The following SNTB1 variants were observed in gnomAD, a reference collection of about 807,000 sequenced individuals.
The protein encoded by SNTB1 is syntrophin beta 1.
SNTB1 carries 36 observed loss-of-function variants against 48.9 expected under a neutral mutation model. That is an observed-to-expected ratio of 0.74 (90% CI 0.56 to 0.97). The LOEUF (loss-of-function observed/expected upper bound fraction) is 0.97, where lower values mean the gene tolerates loss of function less well. SNTB1 is among the 50% of genes least tolerant of loss of function. The probability of loss-of-function intolerance (pLI) is 0.00; values close to 1 mark genes in which losing one functional copy is unlikely to be tolerated. For missense variants in SNTB1, 786 were observed against 703.4 expected, an observed-to-expected ratio of 1.12 and a Z score of -1.33; for synonymous variants, 299 against 294.6, an observed-to-expected ratio of 1.01 and a Z score of -0.15.
intron 1 of SNTB1, among the ~76,000 whole-genome samples, chr8:120,723,844 G>A (rs1194145339): frequency 6.6e-6 from 1 of 152,204 alleles, no homozygotes; most frequent in Non-Finnish European, 1.5e-5. Context: ...CCAGTAAACG[G>A]CAGCTATTGT....
At position 120,575,177 on chromosome 8, in the gene SNTB1, T is replaced by C; in HGVS notation, c.1045A>G (p.Thr349Ala). 2 of 1,614,134 alleles carry C rather than the reference T, an allele frequency of 1.2e-6. No homozygotes were observed. The highest frequency in any genetic ancestry group is 1.7e-6 in the Non-Finnish European group (2 of 1,180,020). The change falls in exon 4 of 7, where the codon ACT (threonine) becomes GCT (alanine). Residue 349 changes from threonine (T) to alanine (A), a missense_variant. Transcript: ENST00000517992. ...TCATAGATTAAAAGGTCTTTCTCAG[T>C]CAGCACAACCAGGGCTGGTTTCCAC... ...KQWKPALVVL[T>A]EKDLLIYDSM... is the part of the protein sequence containing the mutation.
chr8:120,645,297 G>T (rs1817271984), intron 2 of SNTB1, among the ~76,000 whole-genome samples: 1 of 151,172 alleles, frequency 6.6e-6, no homozygotes, highest in African/African-American at 2.4e-5. Context: ...ATGGTTTTAG[G>T]TCTAACGTTT....
chr8:120,598,823 C>T (rs1294259558), intron 3 of SNTB1, among the ~76,000 whole-genome samples: 1 of 152,026 alleles, frequency 6.6e-6, no homozygotes, highest in African/African-American at 2.4e-5. Context: ...TTTTTTCAGC[C>T]CTGCATCTTC....
Position 120,811,487 on chromosome 8 carries a change from C to T in SNTB1, c.357G>A (p.Glu119=). 1 of 1,613,984 alleles carries T rather than the reference C, an allele frequency of 6.2e-7. No individual in the cohort carries two copies. Among genetic ancestry groups the T allele is most frequent in the Non-Finnish European group, 8.5e-7 (1 of 1,179,918 alleles). Residue 119 remains glutamate, a synonymous_variant, in exon 1 of 7, where the codon GAG becomes GAA. Transcript: ENST00000517992. Reference sequence around the variant, plus strand: ...TGATGCTGATCCCCAGCCCGCCCAGCTCCTGCTTCAGCACCTTCACGCCAC... The same window carrying T: ...TGATGCTGATCCCCAGCCCGCCCAGTTCCTGCTTCAGCACCTTCACGCCAC... ...QKRGVKVLKQ[E]LGGLGISIKG... is the part of the protein sequence containing the mutation.
chr8:120,811,232 T>TGTGCGCGCCCGGCGCGGC lies in SNTB1; in HGVS notation c.571+23_571+40dup, dbSNP rs1820423848. On this transcript the variant is annotated intron_variant, in intron 1 of 6. Transcript: ENST00000517992. ...GTGCGGGTGGGAAGCCGAGCAGGTG[T>TGTGCGCGCCCGGCGCGGC]GTGCGCGCCCGGCGCGGCCCGCGCG... 11 of 1,544,342 alleles carry TGTGCGCGCCCGGCGCGGC rather than the reference T, an allele frequency of 7.1e-6. No individual in the cohort carries two copies. The South Asian group carries it at 1.2e-4, about 17-fold the overall frequency.
chr8:120,713,310 G>T (rs1300116799), intron 1 of SNTB1, among the ~76,000 whole-genome samples: 1 of 152,128 alleles, frequency 6.6e-6, no homozygotes, highest in Non-Finnish European at 1.5e-5. Flanking sequence ...CATATTACAT[G>T]CATTTCATAG....
chr8:120,596,227 C>T (rs1292007308), intron 3 of SNTB1, among the ~76,000 whole-genome samples: 3 of 152,322 alleles, frequency 2.0e-5, no homozygotes, highest in East Asian at 3.9e-4. Flanking sequence ...AACATGCATA[C>T]ATTAAGGCAC....
intron 2 of SNTB1, among the ~76,000 whole-genome samples, chr8:120,661,907 A>G (rs1225590268): frequency 1.3e-5 from 2 of 152,188 alleles, no homozygotes; most frequent in African/African-American, 2.4e-5. Context: ...AGGAGTAGAA[A>G]ATTCATGGTG....
At chr8:120,784,278 G>T (rs1235468777) in intron 1 of SNTB1, among the ~76,000 whole-genome samples, 3 of 151,664 alleles carry the variant, frequency 2.0e-5, no homozygotes, top group Non-Finnish European at 2.9e-5. Context: ...ATAGGTGTGA[G>T]GTACTGTGCC....
At chr8:120,686,188 C>G (rs1818027792) in intron 2 of SNTB1, among the ~76,000 whole-genome samples, 1 of 152,238 alleles carries the variant, frequency 6.6e-6, no homozygotes. Context: ...CTTCCAGCCT[C>G]TACCCATTAC....
intron 2 of SNTB1, among the ~76,000 whole-genome samples, chr8:120,664,687 T>G (rs1258146448): frequency 6.6e-6 from 1 of 152,164 alleles, no homozygotes; most frequent in Non-Finnish European, 1.5e-5. Flanking sequence ...GGAAAGTGGG[T>G]TGTTTCTAGT....
chr8:120,629,508 T>A (rs1816944085), intron 3 of SNTB1, among the ~76,000 whole-genome samples: 1 of 152,194 alleles, frequency 6.6e-6, no homozygotes, highest in South Asian at 2.1e-4. Context: ...ATATACAGGG[T>A]CACATTTTAT....
intron 1 of SNTB1, among the ~76,000 whole-genome samples, chr8:120,765,082 G>A (rs1037318222): frequency 6.6e-6 from 1 of 151,980 alleles, no homozygotes; most frequent in Non-Finnish European, 1.5e-5. Flanking sequence ...AAATTTAGCC[G>A]GGCATGGCAG....
chr8:120,613,943 G>A (rs1816667759), intron 3 of SNTB1, among the ~76,000 whole-genome samples: 2 of 152,094 alleles, frequency 1.3e-5, no homozygotes, highest in African/African-American at 4.8e-5. Flanking sequence ...CTTTATATGG[G>A]GATCTAAAGT....
chr8:120,672,576 C>T (rs1443618703), intron 2 of SNTB1, among the ~76,000 whole-genome samples: 1 of 152,144 alleles, frequency 6.6e-6, no homozygotes, highest in African/African-American at 2.4e-5. Context: ...AGATCAGAAT[C>T]CTCTACTAGT....
intron 1 of SNTB1, among the ~76,000 whole-genome samples, chr8:120,803,440 A>G (rs1422933587): frequency 1.3e-5 from 2 of 152,216 alleles, no homozygotes; most frequent in South Asian, 4.1e-4. Context: ...GAGGTTTGGT[A>G]TATAAAACAC....
At chr8:120,744,045 G>A (rs1357231816) in intron 1 of SNTB1, among the ~76,000 whole-genome samples, 4 of 151,874 alleles carry the variant, frequency 2.6e-5, no homozygotes, top group East Asian at 1.9e-4. Context: ...CAGGAGGATC[G>A]CTTGAGCCTA....
chr8:120,564,948 C>T (rs1159509933), intron 4 of SNTB1, among the ~76,000 whole-genome samples: 1 of 152,168 alleles, frequency 6.6e-6, no homozygotes, highest in Non-Finnish European at 1.5e-5. Flanking sequence ...TGAGGCTTGC[C>T]TGGGCAAAAC....
intron 3 of SNTB1, among the ~76,000 whole-genome samples, chr8:120,594,941 TA>T (rs924637510): frequency 2.6e-4 from 39 of 151,702 alleles, no homozygotes; most frequent in Admixed American, 7.2e-4. Flanking sequence ...AACCATACAA[TA>T]AAAAAAATAG....
Sources: allele counts gnomAD v4.1 joint callset (sites outside exome capture counted in the v4.1 genomes callset), GRCh38; gene constraint gnomAD v4.1.1; transcripts MANE v1.5; gene names NCBI Gene and HGNC (gene_info 2026-07-23, HGNC 2026-07-21).